Variants in MROH7 observed in about 807,000 individuals in gnomAD.
The protein encoded by MROH7 is maestro heat-like repeat-containing protein family member 7.
In MROH7, 113 loss-of-function variants were observed where a neutral mutation model predicts 129.2. The ratio of observed to expected loss-of-function variants is 0.87; its 90% CI spans 0.75 to 1.02. The LOEUF (loss-of-function observed/expected upper bound fraction) is 1.02, where lower values mean the gene tolerates loss of function less well. Among genes scored for constraint, MROH7 ranks in the 50% least tolerant of loss-of-function variants. MROH7 has a pLI of 0.00. For missense variants in MROH7, 1,601 were observed against 1,671.3 expected (o/e 0.96, Z 0.73); for synonymous variants, 655 against 667.9 (o/e 0.98, Z 0.30).
At chr1:54,689,329 T>A (rs1310193061) in intron 15 of MROH7, among the ~76,000 whole-genome samples, 1 of 152,226 alleles carries the variant, frequency 6.6e-6, no homozygotes, top group Non-Finnish European at 1.5e-5. Flanking sequence ...CATTCTCCCC[T>A]GGACTCTTCA....
At chr1:54,689,679 C>T (rs186475961) in intron 15 of MROH7, among the ~76,000 whole-genome samples, 3 of 152,336 alleles carry the variant, frequency 2.0e-5, no homozygotes, top group South Asian at 2.1e-4. Flanking sequence ...GTTTCTGTGC[C>T]TTCCAGGAAG....
chr1:54,677,460 G>T (rs528053890), intron 10 of MROH7, among the ~76,000 whole-genome samples: 2 of 152,298 alleles, frequency 1.3e-5, no homozygotes, highest in South Asian at 4.1e-4. Flanking sequence ...AACCCGAAGT[G>T]TGGGGACTAC....
At chr1:54,692,098 C>T (rs1286847171) in intron 15 of MROH7, among the ~76,000 whole-genome samples, 1 of 152,118 alleles carries the variant, frequency 6.6e-6, no homozygotes, top group South Asian at 2.1e-4. Context: ...GAGAAGGACT[C>T]GGCCCACATA....
At chr1:54,693,807 T>C (rs1211747222) in intron 16 of MROH7, among the ~76,000 whole-genome samples, 1 of 152,234 alleles carries the variant, frequency 6.6e-6, no homozygotes, top group Admixed American at 6.5e-5. Flanking sequence ...CTTACTATGC[T>C]CTAGGCACCA....
Position 54,674,149 on chromosome 1 carries a change from A to G in MROH7, c.1934A>G (p.Lys645Arg), listed in dbSNP as rs774374349. 4.3e-5 allele frequency: 69 copies of G among 1,613,058 alleles called. No individual in the cohort carries two copies. Among genetic ancestry groups the G allele is most frequent in the Non-Finnish European group, 5.6e-5 (66 of 1,179,696 alleles). ...CTCTACACTATTCTGGAGCTCCAAA[A>G]ACGTAAGCCCTATCGGAGTACTTCT... ...IILYTILELQ[K>R]RARDKEETNK... The change falls in exon 10 of 24, where the codon AAA (lysine) becomes AGA (arginine). Residue 645 changes from lysine (K) to arginine (R), a missense_variant and splice_region_variant. By Grantham distance (26) the Lys-to-Arg change is conservative. Transcript: ENST00000421030.
chr1:54,662,040 G>A (rs1423784369), intron 3 of MROH7, among the ~76,000 whole-genome samples: 3 of 152,088 alleles, frequency 2.0e-5, no homozygotes, highest in African/African-American at 7.2e-5. Flanking sequence ...GCAACATGGT[G>A]AGACTCCCAT....
At chr1:54,648,017 T>G (rs1166772637) in intron 1 of MROH7, among the ~76,000 whole-genome samples, 3 of 152,010 alleles carry the variant, frequency 2.0e-5, no homozygotes, top group Non-Finnish European at 2.9e-5. Context: ...TTGAAAAGAC[T>G]ATTATTTTTG....
chr1:54,679,447 C>A lies in MROH7; in HGVS notation c.2226+8C>A. On this transcript the variant is annotated splice_region_variant and intron_variant, in intron 12 of 23. Transcript: ENST00000421030. Reference sequence around the variant, plus strand: ...CACAGGGCGCTGGAGGTGGTAAGGCCTCCTGGGGGCAGGGAGTGAACTGTC... The same window carrying A: ...CACAGGGCGCTGGAGGTGGTAAGGCATCCTGGGGGCAGGGAGTGAACTGTC... 21 of 1,610,362 alleles carry A rather than the reference C, an allele frequency of 1.3e-5. No individual in the cohort carries two copies. Among genetic ancestry groups the A allele is most frequent in the Non-Finnish European group, 1.8e-5 (21 of 1,177,720 alleles).
intron 10 of MROH7, among the ~76,000 whole-genome samples, chr1:54,676,214 T>A (rs1005052488): frequency 6.6e-6 from 1 of 152,186 alleles, no homozygotes; most frequent in African/African-American, 2.4e-5. Context: ...TTTTTCTTTT[T>A]TTAGCAGGCA....
intron 22 of MROH7, among the ~76,000 whole-genome samples, chr1:54,707,829 C>T (rs1645560058): frequency 6.6e-6 from 1 of 151,920 alleles, no homozygotes; most frequent in African/African-American, 2.4e-5. Context: ...GAATACTTTC[C>T]TGAAAAAAAT....
chr1:54,694,709 A>T (rs1421824291), intron 16 of MROH7, among the ~76,000 whole-genome samples: 1 of 152,094 alleles, frequency 6.6e-6, no homozygotes, highest in African/African-American at 2.4e-5. Context: ...ACCTCAAATG[A>T]TCTGCCCGTC....
intron 14 of MROH7, among the ~76,000 whole-genome samples, chr1:54,683,467 TTGGTCCATACCCC>T (rs1301995730): frequency 1.3e-5 from 2 of 152,190 alleles, no homozygotes; most frequent in African/African-American, 4.8e-5. Context: ...TCCATGCCAG[TTGGTCCATACCCC>T]TGGTCCATAC....
intron 13 of MROH7, among the ~76,000 whole-genome samples, chr1:54,680,638 G>A (rs991110923): frequency 2.0e-5 from 3 of 152,344 alleles, no homozygotes; most frequent in Admixed American, 2.0e-4. Flanking sequence ...GATGGGCAGA[G>A]GGGACTGTGG....
At chr1:54,695,762 A>G in intron 17 of MROH7, 2 of 473,738 alleles carry the variant, frequency 4.2e-6, no homozygotes, top group Non-Finnish European at 7.9e-6. Context: ...CACGAGACAT[A>G]TAAATGTGAA....
chr1:54,645,655 CTTT>C (rs60788847), intron 1 of MROH7, among the ~76,000 whole-genome samples: 3 of 124,232 alleles, frequency 2.4e-5, no homozygotes, highest in East Asian at 2.2e-4. Flanking sequence ...TTCTTTCTTT[CTTT>C]TTTTTTTTTT....
In MROH7 at chr1:54,696,659, CTTTTTTTTTTT is replaced by C. The variant is rs1157748080; in HGVS notation, c.2964+1189_2964+1199del. On this transcript the variant is annotated intron_variant, in intron 17 of 23. Coordinates refer to ENST00000421030, the MANE Select transcript of MROH7 (RefSeq NM_001039464.4). ...TGTTGCATGCATCACAATTTCCTTA[CTTTTTTTTTTT>C]TTTTTTTTTTTTTTTTTTTGAGATG... Among the ~76,000 whole-genome samples the C allele has an allele frequency of 8.6e-3, 577 of 66,898 alleles. 3 individuals carry two copies. Among genetic ancestry groups the C allele is most frequent in the African/African-American group, 0.038 (563 of 14,628 alleles). 43.9% of individuals were successfully genotyped at this position (66,898 alleles called of 152,430 possible).
chr1:54,700,419 G>A lies in MROH7; in HGVS notation c.3063G>A (p.Leu1021=). ...LSHHDPIMKV[L]SIRGLVILAR... is the part of the protein sequence containing the mutation. ...ACCACGACCCCATCATGAAGGTGCT[G>A]TCCATTCGAGGCCTGGTCATCCTGG... Residue 1021 remains leucine, a synonymous_variant, in exon 18 of 24, where the codon CTG becomes CTA. Coordinates refer to ENST00000421030, the MANE Select transcript of MROH7 (RefSeq NM_001039464.4). The A allele has an allele frequency of 6.2e-7, 1 of 1,611,802 alleles. No individual in the cohort carries two copies. The highest frequency in any genetic ancestry group is 8.5e-7 in the Non-Finnish European group (1 of 1,178,672).
intron 23 of MROH7, 98 bp from the exon 24 acceptor site, chr1:54,709,848 G>A (rs963670089): frequency 2.0e-5 from 29 of 1,420,890 alleles, no homozygotes; most frequent in Admixed American, 1.8e-4. Context: ...CAAGCAGAGG[G>A]TGCCTAAGCC....
Position 54,703,964 on chromosome 1 carries a change from G to C in MROH7, c.3564+1219G>C, listed in dbSNP as rs1383628172. 6.6e-6 allele frequency among the ~76,000 whole-genome samples: 1 copy of C among 152,136 alleles called. No individual in the cohort carries two copies. Among genetic ancestry groups the C allele is most frequent in the Non-Finnish European group, 1.5e-5 (1 of 68,028 alleles). On this transcript the variant is annotated intron_variant, in intron 21 of 23. Coordinates refer to ENST00000421030, the MANE Select transcript of MROH7 (RefSeq NM_001039464.4). This position sits in a 1 kb window ranked among gnomAD's most constrained non-coding sequence, Gnocchi z 4.4. Reference sequence around the variant, plus strand: ...CACTGGATGCCAGTCACCCTGGGAAGGGCTTGACCTTGGGCCAGGCAGTTC... The same window carrying C: ...CACTGGATGCCAGTCACCCTGGGAACGGCTTGACCTTGGGCCAGGCAGTTC...
Sources: allele counts gnomAD v4.1 joint callset (sites outside exome capture counted in the v4.1 genomes callset), GRCh38; gene constraint gnomAD v4.1.1; non-coding constraint Gnocchi (gnomAD v3.1); transcripts MANE v1.5; gene names NCBI Gene and HGNC (gene_info 2026-07-23, HGNC 2026-07-21).